Variants in MAP3K9 observed in about 807,000 individuals in gnomAD.
MAP3K9 encodes the protein mixed lineage kinase 1 (tyr and ser/thr specificity).
In MAP3K9, 46 loss-of-function variants were observed where a neutral mutation model predicts 95.8. The observed-to-expected ratio is 0.48, with a 90% CI of 0.38 to 0.61. The LOEUF (loss-of-function observed/expected upper bound fraction) is 0.61. Ranked by LOEUF, MAP3K9 falls within the 20% of genes least tolerant of loss-of-function variation. MAP3K9 has a pLI of 0.00. For missense variants in MAP3K9, 1,296 were observed against 1,474.3 expected (o/e 0.88, Z 1.98); for synonymous variants, 533 against 593.8 (o/e 0.90, Z 1.49).
chr14:70,790,890 A>G (rs2054800307), intron 2 of MAP3K9, among the ~76,000 whole-genome samples: 1 of 152,210 alleles, frequency 6.6e-6, no homozygotes, highest in Non-Finnish European at 1.5e-5. Flanking sequence ...CATCGAAACA[A>G]GGTGAAGAAC....
At chr14:70,743,870 A>G (rs1266740035) in intron 5 of MAP3K9, among the ~76,000 whole-genome samples, 1 of 152,220 alleles carries the variant, frequency 6.6e-6, no homozygotes, top group Non-Finnish European at 1.5e-5. Flanking sequence ...TACCCAAAGG[A>G]TTATAAATCA....
At chr14:70,802,557 T>C (rs2054942158) in intron 1 of MAP3K9, among the ~76,000 whole-genome samples, 1 of 152,238 alleles carries the variant, frequency 6.6e-6, no homozygotes, top group Non-Finnish European at 1.5e-5. Context: ...GTTCTCTATC[T>C]TCTTTTTTCT....
intron 7 of MAP3K9, among the ~76,000 whole-genome samples, chr14:70,739,701 G>T (rs188255619): frequency 1.1e-3 from 166 of 152,228 alleles, no homozygotes; most frequent in Non-Finnish European, 1.6e-3. Context: ...CCCAAATATG[G>T]CAAAGAGTGT....
At chr14:70,799,075 G>A (rs1338375876) in intron 2 of MAP3K9, among the ~76,000 whole-genome samples, 1 of 152,192 alleles carries the variant, frequency 6.6e-6, no homozygotes, top group Non-Finnish European at 1.5e-5. Flanking sequence ...TATGCCAAAT[G>A]TAATAGTTGT....
intron 2 of MAP3K9, among the ~76,000 whole-genome samples, chr14:70,770,825 T>C (rs1163358131): frequency 1.3e-5 from 2 of 152,156 alleles, no homozygotes; most frequent in African/African-American, 2.4e-5. Context: ...AATCCCTGTG[T>C]CCTGTACCCC....
At chr14:70,769,466 T>C (rs922782532) in intron 2 of MAP3K9, among the ~76,000 whole-genome samples, 1 of 152,186 alleles carries the variant, frequency 6.6e-6, no homozygotes, top group Non-Finnish European at 1.5e-5. Flanking sequence ...AAACAAAAAA[T>C]GAAGCTGTGT....
At chr14:70,739,323 G>T (rs1039134847) in intron 7 of MAP3K9, among the ~76,000 whole-genome samples, 4 of 151,972 alleles carry the variant, frequency 2.6e-5, no homozygotes, top group African/African-American at 4.8e-5. Flanking sequence ...GTAGAGGCGG[G>T]GTTTCAGCAT....
chr14:70,730,560 C>T lies in MAP3K9; in HGVS notation c.3135G>A (p.Glu1045=). ...GGAGCAGGGCTGGAAGTCCAGGCCG[C>T]TCCTCTACAGTGCTGCTACTGCTAG... is the stretch of plus-strand genomic sequence containing the variant. ...CFASSSSTVE[E]RPGLPALLPF... is the part of the protein sequence containing the mutation. Residue 1045 remains glutamate, a synonymous_variant, in exon 12 of 12, where the codon GAG becomes GAA. Transcript: ENST00000554752. 6.2e-7 allele frequency: 1 copy of T among 1,614,040 alleles called. No individual in the cohort carries two copies. The highest frequency in any genetic ancestry group is 8.5e-7 in the Non-Finnish European group (1 of 1,180,042).
At chr14:70,754,895 C>T (rs563744358) in intron 3 of MAP3K9, among the ~76,000 whole-genome samples, 4 of 152,296 alleles carry the variant, frequency 2.6e-5, no homozygotes, top group Admixed American at 6.5e-5. Flanking sequence ...ACCCACACAG[C>T]GCAAAGAAAG....
chr14:70,748,798 GTTTT>G (rs1415721975), intron 5 of MAP3K9, 27 bp downstream of exon 5: 3 of 1,570,558 alleles, frequency 1.9e-6, no homozygotes, highest in African/African-American at 1.4e-5. Context: ...CTTTTCGTTC[GTTTT>G]TTTGTTGTTT....
chr14:70,739,828 C>T (rs1368713109), intron 7 of MAP3K9: 2 of 1,453,502 alleles, frequency 1.4e-6, no homozygotes, highest in African/African-American at 2.8e-5. Flanking sequence ...TGATATGTGA[C>T]TAAAAGGTAG....
intron 2 of MAP3K9, among the ~76,000 whole-genome samples, chr14:70,770,195 GTTTGTT>G: frequency 6.6e-6 from 1 of 152,150 alleles, no homozygotes; most frequent in South Asian, 2.1e-4. Context: ...TCTTTTGTTT[GTTTGTT>G]TTTGAGTCTC....
chr14:70,738,880 G>C (rs189664122), intron 7 of MAP3K9, among the ~76,000 whole-genome samples: 15 of 152,248 alleles, frequency 9.9e-5, no homozygotes, highest in Admixed American at 9.8e-4. Flanking sequence ...AAGAGGCCTA[G>C]AGAAAGACAG....
intron 2 of MAP3K9, among the ~76,000 whole-genome samples, chr14:70,775,221 A>G (rs1479038071): frequency 6.6e-6 from 1 of 152,086 alleles, no homozygotes; most frequent in Non-Finnish European, 1.5e-5. Context: ...CCCAGGTGCA[A>G]TACTAGACAC....
intron 2 of MAP3K9, among the ~76,000 whole-genome samples, chr14:70,799,054 G>T (rs1331776808): frequency 6.6e-6 from 1 of 152,216 alleles, no homozygotes; most frequent in African/African-American, 2.4e-5. Flanking sequence ...CTTTAAAAAT[G>T]TCGGGAAGGA....
At chr14:70,739,343 G>A (rs903335874) in intron 7 of MAP3K9, among the ~76,000 whole-genome samples, 5 of 152,026 alleles carry the variant, frequency 3.3e-5, no homozygotes, top group African/African-American at 1.2e-4. Context: ...TGTTGGCCAG[G>A]ATGGTCTCGA....
chr14:70,726,581 A>G lies in MAP3K9; in HGVS notation c.*3799T>C, dbSNP rs1379727865. 1 of 152,206 alleles carries G rather than the reference A, an allele frequency of 6.6e-6. No individual in the cohort carries two copies. Among genetic ancestry groups the G allele is most frequent in the Non-Finnish European group, 1.5e-5 (1 of 68,038 alleles). 9.4% of individuals were successfully genotyped at this position (152,206 alleles called of 1,614,324 possible). A position where few individuals can be genotyped will look rare whatever the true frequency, so the allele number is the denominator to read the frequency against. On this transcript the variant is annotated 3_prime_UTR_variant, in exon 12 of 12. Transcript: ENST00000554752. ...TGACATTGGCAGACAGCATCAGACAAGTTAAGTGGGGGAATTAGGAAAGAA... is the reference window on the plus strand; with the variant it reads ...TGACATTGGCAGACAGCATCAGACAGGTTAAGTGGGGGAATTAGGAAAGAA...
At position 70,730,372 on chromosome 14, in the gene MAP3K9, T is replaced by C; in HGVS notation, c.*8A>G. ...CTGTCCCCCTTGCCCGCCCCAATCC[T>C]TTTCGTGCTAAGACCAGAACTCCTG... On this transcript the variant is annotated 3_prime_UTR_variant, in exon 12 of 12. Transcript: ENST00000554752. 1.3e-6 allele frequency: 2 copies of C among 1,595,860 alleles called. No homozygotes were observed. The highest frequency in any genetic ancestry group is 1.3e-5 in the African/African-American group (1 of 74,726).
chr14:70,731,578 A>G (rs1445902053), intron 11 of MAP3K9, among the ~76,000 whole-genome samples: 1 of 152,218 alleles, frequency 6.6e-6, no homozygotes, highest in Non-Finnish European at 1.5e-5. Flanking sequence ...AATATTTACT[A>G]TCTGGCCCTT....
Sources: allele counts gnomAD v4.1 joint callset (sites outside exome capture counted in the v4.1 genomes callset), GRCh38; gene constraint gnomAD v4.1.1; transcripts MANE v1.5; gene names NCBI Gene and HGNC (gene_info 2026-07-23, HGNC 2026-07-21).